SLC25A48: variants seen among roughly 807,000 people sequenced by gnomAD.
SLC25A48 encodes solute carrier family 25 member 48, also known as CTC-321K16.1.
SLC25A48 carries 29 observed loss-of-function variants against 32.2 expected under a neutral mutation model. The ratio of observed to expected loss-of-function variants is 0.90; its 90% CI spans 0.67 to 1.23. SLC25A48 has a LOEUF of 1.23. SLC25A48 is among the 50% of genes most tolerant of loss of function. The pLI is 0.00. For missense variants in SLC25A48, 399 were observed against 422.7 expected, an observed-to-expected ratio of 0.94 and a Z score of 0.49; for synonymous variants, 164 against 172.3, an observed-to-expected ratio of 0.95 and a Z score of 0.38.
chr5:135,795,820 G>A (rs1757155094), intron 3 of SLC25A48, among the ~76,000 whole-genome samples: 1 of 151,098 alleles, frequency 6.6e-6, no homozygotes, highest in East Asian at 2.0e-4. Context: ...TAATATCCAG[G>A]GGGGAGAGGG....
chr5:135,886,679 A>T (rs1264495290), intron 7 of SLC25A48, among the ~76,000 whole-genome samples: 4,875 of 102,202 alleles, frequency 0.048, 566 homozygotes, highest in African/African-American at 0.21. Flanking sequence ...TGTGTGAGAG[A>T]GAGAGAGAGA....
At chr5:135,787,889 G>T (rs1469993145) in intron 3 of SLC25A48, among the ~76,000 whole-genome samples, 1 of 151,788 alleles carries the variant, frequency 6.6e-6, no homozygotes, top group African/African-American at 2.4e-5. Context: ...TGTACACCTT[G>T]TGATATTACT....
rs1027101888 is a variant in SLC25A48 at position 135,886,304 on chromosome 5, T to TC, written c.*8-1722dup. Among the ~76,000 whole-genome samples the TC allele has an allele frequency of 2.3e-4, 12 of 52,076 alleles. No individual in the cohort carries two copies. In the East Asian group the frequency reaches 6.1e-3, roughly 26 times the overall value. 34.2% of individuals were successfully genotyped at this position (52,076 alleles called of 152,430 possible). On this transcript the variant is annotated intron_variant, in intron 7 of 7. Coordinates refer to ENST00000681962, the MANE Select transcript of SLC25A48 (RefSeq NM_001349336.2). The stretch of plus-strand genomic sequence containing the variant: ...GAGTAACAGCCCCTGCCACACCCCC[T>TC]CCCCCCGCCCTCCTCCATGCTGGGC...
At chr5:135,709,926 T>C (rs965736369) in intron 3 of SLC25A48, among the ~76,000 whole-genome samples, 14 of 152,296 alleles carry the variant, frequency 9.2e-5, no homozygotes, top group Admixed American at 8.5e-4. Context: ...ACCTAGGTCG[T>C]TGGGTTTTTA....
At chr5:135,776,817 A>T (rs1009353278) in intron 3 of SLC25A48, among the ~76,000 whole-genome samples, 1 of 151,760 alleles carries the variant, frequency 6.6e-6, no homozygotes, top group Admixed American at 6.6e-5. Flanking sequence ...TCCAGGGGAA[A>T]GAGAATCATA....
At chr5:135,817,169 T>C (rs905592154) in intron 4 of SLC25A48, among the ~76,000 whole-genome samples, 3 of 152,200 alleles carry the variant, frequency 2.0e-5, no homozygotes, top group African/African-American at 7.2e-5. Context: ...CATTCTTTAT[T>C]GTCATTACTC....
intron 3 of SLC25A48, among the ~76,000 whole-genome samples, chr5:135,688,500 T>TGA (rs1754069806): frequency 6.6e-6 from 1 of 152,356 alleles, no homozygotes; most frequent in African/African-American, 2.4e-5. Flanking sequence ...AATGATTTAT[T>TGA]GCAGCTTAAA....
chr5:135,685,675 C>T (rs865832452), intron 3 of SLC25A48, among the ~76,000 whole-genome samples: 32 of 152,330 alleles, frequency 2.1e-4, no homozygotes, highest in African/African-American at 7.0e-4. Context: ...CCACCCACCT[C>T]GGCCTTCCAA....
chr5:135,639,253 A>T (rs916803), intron 3 of SLC25A48, among the ~76,000 whole-genome samples: 70,423 of 152,062 alleles, frequency 0.46, 16,601 homozygotes, highest in South Asian at 0.51. Flanking sequence ...TTTTGTGCAT[A>T]AAGGGCTATA....
intron 3 of SLC25A48, among the ~76,000 whole-genome samples, chr5:135,725,869 C>A (rs750716968): frequency 1.9e-5 from 2 of 105,542 alleles, no homozygotes; most frequent in African/African-American, 5.7e-5. Flanking sequence ...ACCTTAGGAA[C>A]GCTAGGGTTT....
At chr5:135,807,590 G>T (rs537491326) in intron 3 of SLC25A48, among the ~76,000 whole-genome samples, 133 of 150,270 alleles carry the variant, frequency 8.9e-4, no homozygotes, top group Non-Finnish European at 1.6e-3. Context: ...TGTTAAAACT[G>T]AATATTTTAT....
chr5:135,883,220 C>A, intron 7 of SLC25A48: 1 of 985,486 alleles, frequency 1.0e-6, no homozygotes, highest in Non-Finnish European at 1.2e-6. Context: ...CTCATCCCCA[C>A]CCCGGCTGGG....
At chr5:135,816,423 T>A (rs892127339) in intron 4 of SLC25A48, among the ~76,000 whole-genome samples, 5 of 152,230 alleles carry the variant, frequency 3.3e-5, no homozygotes, top group African/African-American at 7.2e-5. Flanking sequence ...ATTAAACACT[T>A]CGCTTCAGAA....
At chr5:135,659,819 A>G (rs187001144) in intron 3 of SLC25A48, among the ~76,000 whole-genome samples, 1 of 152,350 alleles carries the variant, frequency 6.6e-6, no homozygotes, top group East Asian at 1.9e-4. Flanking sequence ...TAAAGGGGGA[A>G]GTGCTACATG....
intron 3 of SLC25A48, among the ~76,000 whole-genome samples, chr5:135,769,995 G>T (rs1451374803): frequency 6.6e-6 from 1 of 151,418 alleles, no homozygotes; most frequent in African/African-American, 2.4e-5. Flanking sequence ...CTGTGATATT[G>T]TTGGTAATGT....
At chr5:135,855,418 A>G (rs911143901) in intron 4 of SLC25A48, among the ~76,000 whole-genome samples, 1 of 152,182 alleles carries the variant, frequency 6.6e-6, no homozygotes, top group Non-Finnish European at 1.5e-5. Flanking sequence ...ACCTTTGCAT[A>G]TGTTCTCATA....
chr5:135,666,457 A>T (rs550110600), intron 3 of SLC25A48, among the ~76,000 whole-genome samples: 5 of 152,276 alleles, frequency 3.3e-5, no homozygotes, highest in Non-Finnish European at 5.9e-5. Flanking sequence ...TAGGGTAAGG[A>T]TTGAAACCCA....
chr5:135,641,621 G>C (rs964158528), intron 3 of SLC25A48, among the ~76,000 whole-genome samples: 1 of 152,158 alleles, frequency 6.6e-6, no homozygotes, highest in Non-Finnish European at 1.5e-5. Flanking sequence ...GTAGCTGTAG[G>C]GCAGAATTTG....
chr5:135,838,556 C>A (rs779547754), intron 1 of SLC25A48, among the ~76,000 whole-genome samples: 1 of 152,254 alleles, frequency 6.6e-6, no homozygotes, highest in East Asian at 1.9e-4. Context: ...GACTCAGAGG[C>A]CTAGGAGGAA....
Sources: gnomAD v4.1 joint callset for allele counts (sites outside exome capture counted in the v4.1 genomes callset) on GRCh38, gnomAD v4.1.1 for gene constraint, MANE v1.5 for transcripts, NCBI Gene and HGNC (gene_info 2026-07-23, HGNC 2026-07-21) for gene names.